The following ADAM22 variants were observed in gnomAD, a reference collection of about 807,000 sequenced individuals.
ADAM22 encodes the protein ADAM metallopeptidase domain 22, also known as disintegrin and metalloproteinase domain-containing protein 22.
A neutral mutation model predicts 144.6 loss-of-function variants in ADAM22; 65 were observed. The observed-to-expected ratio is 0.45, with a 90% confidence interval of 0.37 to 0.55. ADAM22 has a LOEUF of 0.55. ADAM22 is among the 20% of genes least tolerant of loss of function. The pLI, the probability that ADAM22 is intolerant of heterozygous loss-of-function variation, is 0.00. For missense variants in ADAM22, 974 were observed against 1,184.9 expected, an observed-to-expected ratio of 0.82 and a Z score of 2.61; for synonymous variants, 391 against 412.6, an observed-to-expected ratio of 0.95 and a Z score of 0.63.
intron 5 of ADAM22, among the ~76,000 whole-genome samples, chr7:88,110,316 G>C (rs1374903065): frequency 6.6e-6 from 1 of 152,152 alleles, no homozygotes; most frequent in Middle Eastern, 3.2e-3. Context: ...GTGACAGCAA[G>C]TGTATATTGG....
At chr7:88,044,888 C>A (rs781738320) in intron 3 of ADAM22, among the ~76,000 whole-genome samples, 7 of 151,664 alleles carry the variant, frequency 4.6e-5, no homozygotes, top group Non-Finnish European at 7.4e-5. Flanking sequence ...CCACACCTGG[C>A]TAATTTTTGT....
intron 2 of ADAM22, among the ~76,000 whole-genome samples, chr7:87,948,776 G>T (rs1844338389): frequency 6.6e-6 from 1 of 152,128 alleles, no homozygotes; most frequent in Non-Finnish European, 1.5e-5. Context: ...GGAGGGGATT[G>T]GGGCGCCGAT....
rs188659237 is a variant in ADAM22, at chr7:88,065,034, T to C, written c.324-10592T>C. On this transcript the variant is annotated intron_variant, in intron 3 of 31. Transcript: ENST00000413139. ...TGTTATTTTTAAAATTGAAAAATAA[T>C]TAAGATGTTTAATACTTTTCTTGAG... 2.9e-3 allele frequency among the ~76,000 whole-genome samples: 445 copies of C among 152,232 alleles called. 4 individuals are homozygous for C. Among genetic ancestry groups the C allele is most frequent in the Non-Finnish European group, 2.7e-3 (185 of 68,002 alleles).
At chr7:88,191,167 T>G (rs1017660168) in intron 30 of ADAM22, among the ~76,000 whole-genome samples, 1 of 152,168 alleles carries the variant, frequency 6.6e-6, no homozygotes, top group Admixed American at 6.5e-5. Context: ...CTGGAGAAAA[T>G]CTCCTGTTTT....
intron 3 of ADAM22, among the ~76,000 whole-genome samples, chr7:88,036,333 T>A (rs1387997777): frequency 6.6e-6 from 1 of 152,204 alleles, no homozygotes; most frequent in Non-Finnish European, 1.5e-5. Context: ...TGAATGTTTT[T>A]ATTTGCTTAA....
intron 31 of ADAM22, 67 bp from the exon 32 acceptor site, chr7:88,196,404 C>G: frequency 6.4e-7 from 1 of 1,564,256 alleles, no homozygotes; most frequent in Non-Finnish European, 8.8e-7. Context: ...TCTTTTTCAT[C>G]TCCTATTCAG....
At chr7:88,098,629 A>G (rs971885404) in intron 4 of ADAM22, among the ~76,000 whole-genome samples, 5 of 152,126 alleles carry the variant, frequency 3.3e-5, no homozygotes, top group African/African-American at 9.7e-5. Context: ...CCTATATTTT[A>G]TGGTGTTCAC....
At chr7:88,045,528 C>T (rs989077406) in intron 3 of ADAM22, among the ~76,000 whole-genome samples, 4 of 152,148 alleles carry the variant, frequency 2.6e-5, no homozygotes, top group African/African-American at 7.2e-5. Context: ...TGTCACCTCA[C>T]GTACTTTTCA....
intron 3 of ADAM22, among the ~76,000 whole-genome samples, chr7:88,025,556 G>C (rs1045700951): frequency 6.6e-6 from 1 of 152,176 alleles, no homozygotes; most frequent in Admixed American, 6.5e-5. Flanking sequence ...TATGGCAAGA[G>C]ATAGGGGTCT....
intron 3 of ADAM22, among the ~76,000 whole-genome samples, chr7:87,986,987 G>A (rs940337535): frequency 6.6e-6 from 1 of 152,002 alleles, no homozygotes; most frequent in Non-Finnish European, 1.5e-5. Flanking sequence ...AGATTTATCA[G>A]GTGAGTGAAA....
chr7:88,014,750 CAGA>C (rs1317137064), intron 3 of ADAM22, among the ~76,000 whole-genome samples: 2 of 152,184 alleles, frequency 1.3e-5, no homozygotes, highest in Non-Finnish European at 2.9e-5. Flanking sequence ...AGCTTTCTGG[CAGA>C]AGGAGCTTTT....
chr7:88,015,002 C>CTCTA (rs778991904), intron 3 of ADAM22, among the ~76,000 whole-genome samples: 5 of 152,184 alleles, frequency 3.3e-5, no homozygotes, highest in Admixed American at 6.5e-5. Flanking sequence ...ACGCCGTATG[C>CTCTA]TCTAGTCTAT....
At chr7:88,144,449 T>C (rs1013007530) in intron 15 of ADAM22, among the ~76,000 whole-genome samples, 3 of 152,062 alleles carry the variant, frequency 2.0e-5, no homozygotes, top group African/African-American at 7.2e-5. Context: ...CTGGGGAAAA[T>C]TTAATTTTAG....
chr7:88,060,851 C>T (rs1469614406), intron 3 of ADAM22, among the ~76,000 whole-genome samples: 1 of 151,830 alleles, frequency 6.6e-6, no homozygotes, highest in Non-Finnish European at 1.5e-5. Flanking sequence ...TGCCTGTAAT[C>T]CCAGCACTTT....
chr7:88,022,244 A>G (rs943022453), intron 3 of ADAM22, among the ~76,000 whole-genome samples: 3 of 151,946 alleles, frequency 2.0e-5, no homozygotes, highest in African/African-American at 7.3e-5. Context: ...TTACTTAACC[A>G]TCACTTACCT....
chr7:88,144,019 T>G (rs1835583321), intron 15 of ADAM22, among the ~76,000 whole-genome samples: 1 of 152,218 alleles, frequency 6.6e-6, no homozygotes, highest in South Asian at 2.1e-4. Context: ...TGGTTATCAT[T>G]TGGATAAGTT....
At chr7:88,136,784 A>G (rs1464531092) in intron 14 of ADAM22, among the ~76,000 whole-genome samples, 1 of 152,080 alleles carries the variant, frequency 6.6e-6, no homozygotes, top group Admixed American at 6.6e-5. Context: ...TACTCTTGTA[A>G]CCAAATACCA....
At chr7:87,975,042 T>C (rs1027712204) in intron 2 of ADAM22, among the ~76,000 whole-genome samples, 1 of 152,178 alleles carries the variant, frequency 6.6e-6, no homozygotes, top group African/African-American at 2.4e-5. Context: ...ATCTGCACAG[T>C]CCCTTTTTCC....
At chr7:88,181,419 A>C in intron 27 of ADAM22, 86 bp from the exon 28 acceptor site, 1 of 1,019,968 alleles carries the variant, frequency 9.8e-7, no homozygotes, top group Middle Eastern at 2.1e-4. Context: ...TTTAATGCAC[A>C]GTAATGCTTA....
Sources: allele counts gnomAD v4.1 joint callset (sites outside exome capture counted in the v4.1 genomes callset), GRCh38; gene constraint gnomAD v4.1.1; transcripts MANE v1.5; gene names NCBI Gene and HGNC (gene_info 2026-07-23, HGNC 2026-07-21).